KCND2: variants seen among roughly 807,000 people sequenced by gnomAD.
The protein encoded by KCND2 is potassium voltage-gated channel subfamily D member 2.
A neutral mutation model predicts 54.4 loss-of-function variants in KCND2; 16 were observed. That is an observed-to-expected ratio of 0.29 (90% CI 0.20 to 0.45). The LOEUF is 0.45. KCND2 is among the 20% of genes least tolerant of loss of function. KCND2 has a pLI of 1.00. For synonymous variants in KCND2, 317 were observed against 310.7 expected, an observed-to-expected ratio of 1.02 and a Z score of -0.21; for missense variants, 486 against 824.2, an observed-to-expected ratio of 0.59 and a Z score of 5.02.
intron 1 of KCND2, among the ~76,000 whole-genome samples, chr7:120,614,855 A>T (rs533716486): frequency 1.3e-5 from 2 of 152,342 alleles, no homozygotes; most frequent in African/African-American, 4.8e-5. Context: ...CTTGAAGGAG[A>T]TATTTACCAT....
At chr7:120,383,158 C>T (rs565102247) in intron 1 of KCND2, among the ~76,000 whole-genome samples, 32 of 152,052 alleles carry the variant, frequency 2.1e-4, no homozygotes, top group Non-Finnish European at 4.3e-4. Flanking sequence ...CCTACCACTC[C>T]TCATTCAATA....
chr7:120,700,210 C>T (rs1443621981), intron 1 of KCND2, among the ~76,000 whole-genome samples: 1 of 152,098 alleles, frequency 6.6e-6, no homozygotes, highest in Non-Finnish European at 1.5e-5. Flanking sequence ...AGTAGATGAG[C>T]ATTGAATGGT....
chr7:120,465,227 A>G (rs1802349938), intron 1 of KCND2, among the ~76,000 whole-genome samples: 1 of 152,194 alleles, frequency 6.6e-6, no homozygotes, highest in Non-Finnish European at 1.5e-5. Flanking sequence ...TCTCAAGACA[A>G]TCAAGTGATA....
rs564611128 is a variant in KCND2, at chr7:120,562,295, A to C, written c.1116-170608A>C. ...ACTGAGATAAAGATGTCAAAAGGAA[A>C]AAATAATAAAACATGAGAACGTTAT... On this transcript the variant is annotated intron_variant, in intron 1 of 5. Transcript: ENST00000331113. Among the ~76,000 whole-genome samples the C allele has an allele frequency of 2.6e-5, 4 of 152,328 alleles. No homozygotes were observed. In the South Asian group the frequency reaches 8.3e-4, roughly 32 times the overall value.
At chr7:120,592,545 A>C (rs139045145) in intron 1 of KCND2, among the ~76,000 whole-genome samples, 44 of 152,334 alleles carry the variant, frequency 2.9e-4, no homozygotes, top group African/African-American at 8.4e-4. Flanking sequence ...ACAGAAGAAG[A>C]AGCAAATAGA....
intron 1 of KCND2, among the ~76,000 whole-genome samples, chr7:120,287,221 A>C (rs540449257): frequency 6.6e-6 from 1 of 152,246 alleles, no homozygotes; most frequent in Admixed American, 6.5e-5. Flanking sequence ...GATAATATGT[A>C]TACACATAAA....
intron 2 of KCND2, chr7:120,740,918 T>C: frequency 2.2e-6 from 1 of 455,736 alleles, no homozygotes; most frequent in Non-Finnish European, 4.4e-6. Flanking sequence ...TTTGTTTGTT[T>C]GTTTGTTTGT....
intron 1 of KCND2, among the ~76,000 whole-genome samples, chr7:120,278,976 G>A (rs969594426): frequency 2.0e-5 from 3 of 151,280 alleles, no homozygotes; most frequent in African/African-American, 4.9e-5. Context: ...TTATCCACCC[G>A]GCTCCCCTTT....
chr7:120,326,234 C>A (rs1488444444), intron 1 of KCND2, among the ~76,000 whole-genome samples: 1 of 152,010 alleles, frequency 6.6e-6, no homozygotes, highest in Non-Finnish European at 1.5e-5. Flanking sequence ...TTCCTTTGGG[C>A]TGCCTAGAAA....
intron 1 of KCND2, among the ~76,000 whole-genome samples, chr7:120,351,481 C>G (rs1800405366): frequency 6.6e-6 from 1 of 151,038 alleles, no homozygotes; most frequent in Non-Finnish European, 1.5e-5. Flanking sequence ...AAGTCCCCAG[C>G]AGTGTTGACA....
chr7:120,618,519 G>A (rs77348394), intron 1 of KCND2, among the ~76,000 whole-genome samples: 2,478 of 151,826 alleles, frequency 0.016, 57 homozygotes, highest in African/African-American at 0.056. Flanking sequence ...TCTTATAGAT[G>A]TTTTCCAATT....
intron 1 of KCND2, among the ~76,000 whole-genome samples, chr7:120,365,775 C>G (rs1800668078): frequency 6.6e-6 from 1 of 152,060 alleles, no homozygotes; most frequent in Admixed American, 6.6e-5. Context: ...GCAAAATGTA[C>G]ATGTTCTAAA....
At chr7:120,668,994 T>G (rs951394990) in intron 1 of KCND2, among the ~76,000 whole-genome samples, 8 of 152,096 alleles carry the variant, frequency 5.3e-5, no homozygotes, top group Non-Finnish European at 7.4e-5. Context: ...ATTTTAACAG[T>G]CTATTCTTCA....
intron 1 of KCND2, among the ~76,000 whole-genome samples, chr7:120,316,533 G>A (rs2116323426): frequency 6.6e-6 from 1 of 152,280 alleles, no homozygotes; most frequent in Admixed American, 6.5e-5. Flanking sequence ...GTTTCTATGT[G>A]TAAAAGTTTG....
At chr7:120,438,356 TG>T (rs1295895923) in intron 1 of KCND2, among the ~76,000 whole-genome samples, 1 of 152,170 alleles carries the variant, frequency 6.6e-6, no homozygotes, top group African/African-American at 2.4e-5. Flanking sequence ...GTATGACTCT[TG>T]GTATAGCCTC....
chr7:120,602,443 G>A (rs1792826923), intron 1 of KCND2, among the ~76,000 whole-genome samples: 1 of 152,144 alleles, frequency 6.6e-6, no homozygotes, highest in African/African-American at 2.4e-5. Flanking sequence ...AGAGGTATAT[G>A]ATGTCCAGTT....
chr7:120,513,534 A>G (rs1295015163), intron 1 of KCND2, among the ~76,000 whole-genome samples: 1 of 152,146 alleles, frequency 6.6e-6, no homozygotes, highest in Non-Finnish European at 1.5e-5. Flanking sequence ...ATTTCACTAA[A>G]GTGATCCTCC....
In KCND2 at chr7:120,360,978, A is replaced by G. The variant is rs183333463; in HGVS notation, c.1115+85231A>G. On this transcript the variant is annotated intron_variant, in intron 1 of 5. Coordinates refer to ENST00000331113, the MANE Select transcript of KCND2 (RefSeq NM_012281.3). ...AATACTTTTGCAGGCAATATAGTAT[A>G]TATTTGTTTAAATGAAATTCATTTC... Among the ~76,000 whole-genome samples, 5 of 152,236 alleles carry G rather than the reference A, an allele frequency of 3.3e-5. No individual in the cohort carries two copies. In the East Asian group the frequency reaches 7.7e-4, roughly 24 times the overall value.
chr7:120,693,973 TAGTCCC>T (rs1792303368), intron 1 of KCND2, among the ~76,000 whole-genome samples: 1 of 152,196 alleles, frequency 6.6e-6, no homozygotes, highest in Admixed American at 6.5e-5. Context: ...TGGATGCCTG[TAGTCCC>T]AGCTACTGGG....
Sources: gnomAD v4.1 joint callset for allele counts (sites outside exome capture counted in the v4.1 genomes callset) on GRCh38, gnomAD v4.1.1 for gene constraint, MANE v1.5 for transcripts, NCBI Gene and HGNC (gene_info 2026-07-23, HGNC 2026-07-21) for gene names.